Variants in DYDC2 observed in about 807,000 individuals in gnomAD.
DYDC2 encodes DPY30 domain-containing protein 2.
Under a neutral mutation model 18.7 loss-of-function variants are expected in DYDC2, and 19 were observed. The ratio of observed to expected loss-of-function variants is 1.02; its 90% CI spans 0.71 to 1.49. DYDC2 has a LOEUF of 1.49. Among genes scored for constraint, DYDC2 ranks in the 40% most tolerant of loss-of-function variants. DYDC2 has a pLI of 0.00. For synonymous variants in DYDC2, 63 were observed against 67.6 expected, an observed-to-expected ratio of 0.93 and a Z score of 0.34; for missense variants, 179 against 205.1, an observed-to-expected ratio of 0.87 and a Z score of 0.78.
intron 1 of DYDC2, among the ~76,000 whole-genome samples, 153 bp downstream of exon 1, chr10:80,356,978 G>A (rs190360535): frequency 2.5e-4 from 36 of 143,600 alleles, no homozygotes; most frequent in Non-Finnish European, 4.6e-4. Flanking sequence ...GTAGGAGCCC[G>A]CCGCAGAGTA....
chr10:80,348,943 C>G (rs1253653949), intron 1 of DYDC2, among the ~76,000 whole-genome samples: 7 of 151,992 alleles, frequency 4.6e-5, no homozygotes, highest in Non-Finnish European at 8.8e-5. Flanking sequence ...CCAGGCTGGA[C>G]TGCAGTGGCG....
At chr10:80,351,571 G>T (rs1842976858) in intron 1 of DYDC2, among the ~76,000 whole-genome samples, 2 of 150,208 alleles carry the variant, frequency 1.3e-5, no homozygotes, top group Admixed American at 6.7e-5. Flanking sequence ...AGATATGGTT[G>T]ACCACTCAGA....
intron 2 of DYDC2, among the ~76,000 whole-genome samples, chr10:80,358,807 G>A (rs1044172560): frequency 9.2e-5 from 14 of 152,094 alleles, no homozygotes; most frequent in Non-Finnish European, 1.9e-4. Flanking sequence ...TGAAGCCGTG[G>A]ACCCTCACAG....
upstream of DYDC2, chr10:80,352,704 AC>A: frequency 7.2e-7 from 1 of 1,381,010 alleles, no homozygotes. Flanking sequence ...CCTTACATAC[AC>A]CCTGCCCTCA....
chr10:80,354,752 A>G (rs1371782025), upstream of DYDC2, among the ~76,000 whole-genome samples: 1 of 152,106 alleles, frequency 6.6e-6, no homozygotes. Context: ...AAACTAGAAG[A>G]CAGCCACCTG....
At chr10:80,358,143 G>A (rs1217341153) in intron 2 of DYDC2, 98 bp downstream of exon 2, 10 of 821,836 alleles carry the variant, frequency 1.2e-5, no homozygotes, top group African/African-American at 1.9e-5. Context: ...TTTGGGAGGC[G>A]GAGGTGGGCG....
intron 4 of DYDC2, among the ~76,000 whole-genome samples, chr10:80,364,985 A>G (rs1371017351): frequency 2.0e-5 from 3 of 152,202 alleles, no homozygotes; most frequent in Non-Finnish European, 4.4e-5. Context: ...GTGGATTACA[A>G]ATTGCTCCTT....
rs566005401 is a variant in DYDC2 at position 80,351,381 on chromosome 10, T to C, written c.-309-4916T>C. Among the ~76,000 whole-genome samples, 3 of 151,296 alleles carry C rather than the reference T, an allele frequency of 2.0e-5. No individual in the cohort carries two copies. In the East Asian group the frequency reaches 5.8e-4, roughly 29 times the overall value. Reference sequence around the variant, plus strand: ...TAATGTCACCCACTCACTCCTCCACTACTGTGCTCTTAAATCAAAACAAAC... The same window carrying C: ...TAATGTCACCCACTCACTCCTCCACCACTGTGCTCTTAAATCAAAACAAAC... On this transcript the variant is annotated intron_variant, in intron 1 of 4. Coordinates refer to the DYDC2 transcript ENST00000372197.
upstream of DYDC2, chr10:80,356,116 G>A: frequency 2.4e-6 from 1 of 420,066 alleles, no homozygotes; most frequent in Non-Finnish European, 3.2e-6. Flanking sequence ...CCAGGTCAGG[G>A]GAGGCTCTGT....
chr10:80,346,920 C>CA (rs981136001), intron 1 of DYDC2, among the ~76,000 whole-genome samples: 33 of 146,840 alleles, frequency 2.2e-4, no homozygotes, highest in South Asian at 6.6e-4. Flanking sequence ...ACTAAAAATA[C>CA]AAAAAAAAAA....
chr10:80,359,435 C>T (rs895602972), intron 2 of DYDC2, among the ~76,000 whole-genome samples: 1 of 152,208 alleles, frequency 6.6e-6, no homozygotes, highest in Non-Finnish European at 1.5e-5. Context: ...AATGGCTTCA[C>T]CTAGTGGATC....
chr10:80,352,722 G>C, upstream of DYDC2: 3 of 1,297,836 alleles, frequency 2.3e-6, no homozygotes, highest in Non-Finnish European at 3.0e-6. Flanking sequence ...CTCAGTCATG[G>C]ACACCTCCCA....
intron 2 of DYDC2, among the ~76,000 whole-genome samples, chr10:80,359,486 G>A (rs4536152): frequency 0.75 from 114,683 of 151,986 alleles, 44,158 homozygotes; most frequent in East Asian, 0.97. Flanking sequence ...CCAGTCCCAC[G>A]TAGTGTGCCC....
chr10:80,352,690 A>G, upstream of DYDC2: 1 of 1,463,468 alleles, frequency 6.8e-7, no homozygotes, highest in Non-Finnish European at 9.0e-7. Flanking sequence ...TGAGGTGAAC[A>G]AAGCCTTACA....
intron 1 of DYDC2, among the ~76,000 whole-genome samples, chr10:80,357,135 T>G (rs1589528260): frequency 2.2e-5 from 2 of 89,802 alleles, no homozygotes; most frequent in Non-Finnish European, 4.5e-5. Flanking sequence ...GATGAGGCGG[T>G]GTGCAGGAGG....
intron 2 of DYDC2, among the ~76,000 whole-genome samples, chr10:80,359,814 G>A (rs576681050): frequency 1.6e-4 from 24 of 152,132 alleles, no homozygotes; most frequent in African/African-American, 5.3e-4. Context: ...GCGCCCACCC[G>A]GAACTTGCGC....
At chr10:80,352,291 C>T, upstream of DYDC2, 1 of 1,085,864 alleles carries the variant, frequency 9.2e-7, no homozygotes, top group South Asian at 2.2e-5. Context: ...TAGAAGTCTT[C>T]TTTGGGTAAT....
intron 4 of DYDC2, among the ~76,000 whole-genome samples, chr10:80,363,724 A>G (rs1241253876): frequency 6.6e-6 from 1 of 152,172 alleles, no homozygotes; most frequent in African/African-American, 2.4e-5. Flanking sequence ...GCCCTTTTCA[A>G]GTAGTATTCA....
rs144557788 is a variant in DYDC2 at position 80,362,566 on chromosome 10, G to C, written c.123G>C (p.Arg41Ser). Residue 41 changes from arginine to serine, a missense_variant, in exon 3 of 5, where the codon AGG (arginine) becomes AGC (serine). Arg to Ser is a moderately radical substitution (Grantham distance 110). Transcript: ENST00000256039. ...TGGCTCACTGGCTTTATCATTACAG[G>C]AAAACAGCAAAAGCAAAAGAAGAGG... ...EYLAHWLYHY[R>S]KTAKAKEENR... The C allele has an allele frequency of 2.9e-5, 46 of 1,612,096 alleles. No individual in the cohort carries two copies. Among genetic ancestry groups the C allele is most frequent in the Non-Finnish European group, 3.7e-5 (44 of 1,178,488 alleles).
Sources: gnomAD v4.1 joint callset for allele counts (sites outside exome capture counted in the v4.1 genomes callset) on GRCh38, gnomAD v4.1.1 for gene constraint, MANE v1.5 for transcripts, NCBI Gene and HGNC (gene_info 2026-07-23, HGNC 2026-07-21) for gene names.